Variants in MTRR observed in about 807,000 individuals in gnomAD.
MTRR encodes 5-methyltetrahydrofolate-homocysteine methyltransferase reductase, also known as methionine synthase reductase.
MTRR carries 63 observed loss-of-function variants against 79.2 expected under a neutral mutation model. The observed-to-expected ratio is 0.80, with a 90% CI of 0.65 to 0.98. The LOEUF is 0.98. Among genes scored for constraint, MTRR ranks in the 50% least tolerant of loss-of-function variants. The pLI is 0.00. For synonymous variants in MTRR, 355 were observed against 313.3 expected (o/e 1.13, Z -1.41); for missense variants, 895 against 839.6 (o/e 1.07, Z -0.82).
At position 7,900,220 on chromosome 5, in the gene MTRR, T is replaced by C; in HGVS notation, c.*162T>C. On this transcript the variant is annotated 3_prime_UTR_variant, in exon 15 of 15. Transcript: ENST00000440940. ...GATCATTTAACAATATAACAAAACT[T>C]CCTGATTTGATTTTACGTATCTTCT... The C allele has an allele frequency of 1.2e-6, 1 of 804,104 alleles. No individual in the cohort carries two copies. Among genetic ancestry groups the C allele is most frequent in the Non-Finnish European group, 1.9e-6 (1 of 518,124 alleles). 49.8% of individuals were successfully genotyped at this position (804,104 alleles called of 1,614,324 possible).
At chr5:7,869,023 G>A (rs767302611), upstream of MTRR, 13 of 1,302,944 alleles carry the variant, frequency 1.0e-5, no homozygotes, top group South Asian at 1.4e-4. Context: ...GGAAGCGCCT[G>A]GGCGTCGTGG....
intron 1 of MTRR, 157 bp downstream of exon 1, chr5:7,869,372 C>T: frequency 1.3e-6 from 1 of 774,000 alleles, no homozygotes. Flanking sequence ...CGGGCTGGGG[C>T]TCGGACTTGG....
chr5:7,869,099 C>A (rs771642594), upstream of MTRR: 4 of 1,611,004 alleles, frequency 2.5e-6, no homozygotes, highest in East Asian at 6.7e-5. Flanking sequence ...GCCCAGGTCC[C>A]CTTCGGAGCT....
At chr5:7,865,078 G>A (rs572403404), upstream of MTRR, among the ~76,000 whole-genome samples, 2 of 152,112 alleles carry the variant, frequency 1.3e-5, no homozygotes, top group East Asian at 1.9e-4. Context: ...GATATACTGC[G>A]CATAAAAGCA....
chr5:7,873,571 A>G lies in MTRR; in HGVS notation c.283+45A>G, dbSNP rs755870497. The G allele has an allele frequency of 1.9e-6, 3 of 1,596,392 alleles. No individual in the cohort carries two copies. In the East Asian group the frequency reaches 6.7e-5, roughly 36 times the overall value. On this transcript the variant is annotated intron_variant, in intron 3 of 14. Coordinates refer to ENST00000440940, the MANE Select transcript of MTRR (RefSeq NM_002454.3). ...GATCTTACTATAGTATACTATTGAT[A>G]TCTCTGGTATCTGAATTATCTTTCA...
intron 2 of MTRR, 105 bp from the exon 3 acceptor site, chr5:7,873,268 A>G: frequency 6.9e-7 from 1 of 1,448,978 alleles, no homozygotes; most frequent in Non-Finnish European, 9.7e-7. Context: ...GGCAAGGAAG[A>G]AGATTGAAAT....
intron 5 of MTRR, among the ~76,000 whole-genome samples, chr5:7,881,373 G>C (rs1302104556): frequency 6.6e-6 from 1 of 151,948 alleles, no homozygotes; most frequent in East Asian, 1.9e-4. Flanking sequence ...GAGGGGATGG[G>C]GTGTGGTAGT....
chr5:7,856,606 C>G (rs918344480), intron 1 of MTRR, among the ~76,000 whole-genome samples: 1 of 152,142 alleles, frequency 6.6e-6, no homozygotes, highest in Admixed American at 6.5e-5. Context: ...ATTTCACTAT[C>G]TACACTAAGT....
chr5:7,857,661 G>A (rs565540445), intron 1 of MTRR, among the ~76,000 whole-genome samples: 29 of 152,296 alleles, frequency 1.9e-4, no homozygotes, highest in African/African-American at 5.8e-4. Flanking sequence ...TCAGGGTGCC[G>A]GAGGCCTCAC....
At chr5:7,852,862 T>C (rs2126571620) in intron 1 of MTRR, among the ~76,000 whole-genome samples, 1 of 152,330 alleles carries the variant, frequency 6.6e-6, no homozygotes, top group South Asian at 2.1e-4. Flanking sequence ...GGTGACCCAG[T>C]ATCATACTTT....
Position 7,878,244 on chromosome 5 carries a change from A to C in MTRR, c.702A>C (p.Pro234=), listed in dbSNP as rs961373750. 1 of 1,613,954 alleles carries C rather than the reference A, an allele frequency of 6.2e-7. No individual in the cohort carries two copies. The highest frequency in any genetic ancestry group is 8.5e-7 in the Non-Finnish European group (1 of 1,179,980). The change falls in exon 5 of 15, where the codon CCA becomes CCC. Residue 234 remains proline, a synonymous_variant. Transcript: ENST00000440940. ...CCTCACTTACCCGTTCGGTACCCCC[A>C]CTCTCACAAGCCTCTCTGAATATTC... ...FESSLTRSVP[P]LSQASLNIPG...
Position 7,862,999 on chromosome 5 carries a change from T to TA in MTRR, n.498+948dup, listed in dbSNP as rs546325772. 11,198 of 1,610,420 alleles carry TA rather than the reference T, an allele frequency of 7.0e-3. 53 individuals carry two copies. Among genetic ancestry groups the TA allele is most frequent in the Middle Eastern group, 0.012 (75 of 6,054 alleles). Reference sequence around the variant, plus strand: ...ATATTTAGGAAGGAGTTTTGGACCCTAAAAAATCATAAGTGCAAATGTGAG... The same window carrying TA: ...ATATTTAGGAAGGAGTTTTGGACCCTAAAAAAATCATAAGTGCAAATGTGAG... On this transcript the variant is annotated intron_variant and non_coding_transcript_variant, in intron 2 of 3. Coordinates refer to the MTRR transcript ENST00000502509.
In MTRR at chr5:7,878,251, C is replaced by A. The variant is rs1355405966; in HGVS notation, c.709C>A (p.Gln237Lys). The change falls in exon 5 of 15, where the codon CAA becomes AAA. Residue 237 changes from glutamine (Q) to lysine (K), a missense_variant. By Grantham distance (53) the Gln-to-Lys change is moderately conservative. Coordinates refer to ENST00000440940, the MANE Select transcript of MTRR (RefSeq NM_002454.3). ...TACCCGTTCGGTACCCCCACTCTCA[C>A]AAGCCTCTCTGAATATTCCTGGTTT... ...SLTRSVPPLS[Q>K]ASLNIPGLPP... The A allele has an allele frequency of 6.2e-7, 1 of 1,614,102 alleles. No individual in the cohort carries two copies. Among genetic ancestry groups the A allele is most frequent in the South Asian group, 1.1e-5 (1 of 91,086 alleles).
At chr5:7,872,183 G>T (rs778374121) in intron 2 of MTRR, 2 of 442,972 alleles carry the variant, frequency 4.5e-6, no homozygotes, top group South Asian at 3.3e-5. Context: ...AGTCTTGGAA[G>T]CATTAAATAC....
chr5:7,874,103 C>G (rs1450441440), intron 3 of MTRR, among the ~76,000 whole-genome samples: 2 of 152,092 alleles, frequency 1.3e-5, no homozygotes, highest in African/African-American at 2.4e-5. Context: ...ACATATGTAT[C>G]CCAGGTTAAG....
rs1280421407 is a variant in MTRR, at chr5:7,878,257, T to A, written c.715T>A (p.Ser239Thr). 6.2e-7 allele frequency: 1 copy of A among 1,614,088 alleles called. No homozygotes were observed. The highest frequency in any genetic ancestry group is 8.5e-7 in the Non-Finnish European group (1 of 1,180,028). The change falls in exon 5 of 15, where the codon TCT becomes ACT. Residue 239 changes from serine (S) to threonine (T), a missense_variant. Transcript: ENST00000440940. ...TTCGGTACCCCCACTCTCACAAGCC[T>A]CTCTGAATATTCCTGGTTTACCCCC... Reference protein sequence around the residue: ...TRSVPPLSQASLNIPGLPPEY... With the variant: ...TRSVPPLSQATLNIPGLPPEY...
At chr5:7,892,999 T>A in intron 11 of MTRR, 86 bp downstream of exon 11, 2 of 1,420,880 alleles carry the variant, frequency 1.4e-6, no homozygotes, top group Non-Finnish European at 1.9e-6. Flanking sequence ...ACCCACATCA[T>A]TCATTACTGT....
intron 13 of MTRR, 28 bp downstream of exon 13, chr5:7,896,984 A>AATTGT: frequency 1.2e-6 from 2 of 1,609,698 alleles, no homozygotes; most frequent in Non-Finnish European, 8.5e-7. Flanking sequence ...TATTGTACTC[A>AATTGT]ACCACTGAGT....
intron 3 of MTRR, chr5:7,875,029 G>A (rs929243281): frequency 2.7e-5 from 14 of 513,744 alleles, no homozygotes; most frequent in Admixed American, 1.6e-4. Flanking sequence ...TTTCAACAGC[G>A]GCCAATAAGT....
Sources: gnomAD v4.1 joint callset for allele counts (sites outside exome capture counted in the v4.1 genomes callset) on GRCh38, gnomAD v4.1.1 for gene constraint, MANE v1.5 for transcripts, NCBI Gene and HGNC (gene_info 2026-07-23, HGNC 2026-07-21) for gene names.